LGSN: variants seen among roughly 807,000 people sequenced by gnomAD.
The protein encoded by LGSN is lengsin.
LGSN carries 21 observed loss-of-function variants against 19.5 expected under a neutral mutation model. The ratio of observed to expected loss-of-function variants is 1.07; its 90% CI spans 0.76 to 1.55. LGSN has a LOEUF of 1.55. Among genes scored for constraint, LGSN ranks in the 40% most tolerant of loss-of-function variants. LGSN has a pLI of 0.00. For missense variants in LGSN, 673 were observed against 608.5 expected (o/e 1.11, Z -1.12); for synonymous variants, 257 against 215.6 (o/e 1.19, Z -1.68).
the LGSN span, among the ~76,000 whole-genome samples, chr6:63,433,779 A>G: frequency 6.6e-6 from 1 of 152,228 alleles, no homozygotes; most frequent in Non-Finnish European, 1.5e-5. Context: ...CCATAGACGA[A>G]CGGATAGACT....
chr6:63,412,904 GAGAA>G, the LGSN span, among the ~76,000 whole-genome samples: 2 of 141,812 alleles, frequency 1.4e-5, no homozygotes, highest in African/African-American at 5.5e-5. Context: ...AAGAGAGAGA[GAGAA>G]AGGAAGGAAG....
chr6:63,315,618 C>CTCTCTG (rs1461630672), intron 1 of LGSN, among the ~76,000 whole-genome samples: 10 of 138,078 alleles, frequency 7.2e-5, no homozygotes, highest in African/African-American at 2.6e-4. Flanking sequence ...CTCTCTCTCT[C>CTCTCTG]TGTGTGTGTG....
At chr6:63,466,819 A>G in the LGSN span, among the ~76,000 whole-genome samples, 1 of 152,186 alleles carries the variant, frequency 6.6e-6, no homozygotes, top group Non-Finnish European at 1.5e-5. Flanking sequence ...GAGTTCAGAC[A>G]TGTAAAGTAT....
chr6:63,517,761 C>G, the LGSN span, among the ~76,000 whole-genome samples: 3 of 152,122 alleles, frequency 2.0e-5, no homozygotes, highest in African/African-American at 4.8e-5. Context: ...TAAGGAGCAG[C>G]CTTCCTCTGC....
At chr6:63,521,178 A>C in the LGSN span, among the ~76,000 whole-genome samples, 2 of 152,176 alleles carry the variant, frequency 1.3e-5, no homozygotes, top group East Asian at 1.9e-4. Context: ...ATGTATACCT[A>C]TGTAACAAAC....
the LGSN span, among the ~76,000 whole-genome samples, chr6:63,561,988 A>C: frequency 6.6e-6 from 1 of 152,130 alleles, no homozygotes; most frequent in East Asian, 1.9e-4. Context: ...CAACTGTAAG[A>C]GTATCATTTT....
the LGSN span, among the ~76,000 whole-genome samples, chr6:63,374,360 C>T: frequency 6.6e-6 from 1 of 152,190 alleles, no homozygotes; most frequent in African/African-American, 2.4e-5. Context: ...AGTTGATACT[C>T]CTTCTGCAAA....
chr6:63,478,465 C>T, the LGSN span, among the ~76,000 whole-genome samples: 1 of 146,300 alleles, frequency 6.8e-6, no homozygotes, highest in East Asian at 2.0e-4. Flanking sequence ...CCTAATACTC[C>T]TGTGGGCCCT....
chr6:63,432,108 A>G, the LGSN span, among the ~76,000 whole-genome samples: 462 of 96,322 alleles, frequency 4.8e-3, 1 homozygote, highest in Non-Finnish European at 7.9e-3. Flanking sequence ...AAAGAAAGAA[A>G]GAAAGAAAGA....
the LGSN span, among the ~76,000 whole-genome samples, chr6:63,358,851 C>T: frequency 2.0e-5 from 3 of 152,258 alleles, no homozygotes; most frequent in East Asian, 3.9e-4. Flanking sequence ...GTGCCCTGTC[C>T]AGAACTTCCA....
the LGSN span, among the ~76,000 whole-genome samples, chr6:63,414,830 G>C: frequency 2.0e-5 from 3 of 151,630 alleles, no homozygotes; most frequent in African/African-American, 7.3e-5. Context: ...TGGAAGGATT[G>C]CTTGAGCCTG....
At chr6:63,422,256 G>A in the LGSN span, among the ~76,000 whole-genome samples, 9 of 152,090 alleles carry the variant, frequency 5.9e-5, no homozygotes, top group African/African-American at 2.2e-4. Context: ...TAGAGACAGG[G>A]TTTCACCATG....
chr6:63,557,783 T>C, the LGSN span, among the ~76,000 whole-genome samples: 1 of 152,254 alleles, frequency 6.6e-6, no homozygotes, highest in Non-Finnish European at 1.5e-5. Context: ...CTTAAATATC[T>C]TGCGAAAGAG....
At chr6:63,293,070 A>T (rs912682473) in intron 2 of LGSN, among the ~76,000 whole-genome samples, 1 of 152,122 alleles carries the variant, frequency 6.6e-6, no homozygotes, top group Non-Finnish European at 1.5e-5. Flanking sequence ...CAGTAGCACA[A>T]TCACAACTCA....
chr6:63,534,859 CTTT>C, the LGSN span, among the ~76,000 whole-genome samples: 1 of 94,148 alleles, frequency 1.1e-5, no homozygotes. Context: ...GTACTAAATT[CTTT>C]ACTAAAGAAT....
At chr6:63,431,876 GCCCAACATGTTATAAA>G in the LGSN span, among the ~76,000 whole-genome samples, 6 of 150,514 alleles carry the variant, frequency 4.0e-5, no homozygotes, top group Non-Finnish European at 3.0e-5. Flanking sequence ...AGACCAGCCA[GCCCAACATGTTATAAA>G]CCCGACTCTA....
intron 1 of LGSN, among the ~76,000 whole-genome samples, chr6:63,308,085 G>C (rs191534974): frequency 2.6e-5 from 4 of 152,196 alleles, no homozygotes; most frequent in Admixed American, 6.5e-5. Flanking sequence ...AATCATGAGC[G>C]TAAGTACAGA....
the LGSN span, among the ~76,000 whole-genome samples, chr6:63,332,878 G>T: frequency 7.2e-5 from 11 of 151,998 alleles, no homozygotes; most frequent in African/African-American, 2.4e-4. Flanking sequence ...TGGGTTCTTG[G>T]TCTCACTGAC....
At chr6:63,353,663 A>T in the LGSN span, among the ~76,000 whole-genome samples, 1 of 151,988 alleles carries the variant, frequency 6.6e-6, no homozygotes, top group Non-Finnish European at 1.5e-5. Flanking sequence ...TTTGCATGAA[A>T]CCAAAAAAGA....
Sources: allele counts gnomAD v4.1 joint callset (sites outside exome capture counted in the v4.1 genomes callset), GRCh38; gene constraint gnomAD v4.1.1; transcripts MANE v1.5; gene names NCBI Gene and HGNC (gene_info 2026-07-23, HGNC 2026-07-21).